The following CAPS2 variants were observed in gnomAD, a reference collection of about 807,000 sequenced individuals.
CAPS2 encodes calcyphosine 2.
A neutral mutation model predicts 86.5 loss-of-function variants in CAPS2; 98 were observed. That is an observed-to-expected ratio of 1.13 (90% CI 0.96 to 1.34). The LOEUF (loss-of-function observed/expected upper bound fraction) is 1.34, where lower values mean the gene tolerates loss of function less well. Among genes scored for constraint, CAPS2 ranks in the 40% most tolerant of loss-of-function variants. CAPS2 has a pLI of 0.00. For synonymous variants in CAPS2, 210 were observed against 225.1 expected (o/e 0.93, Z 0.60); for missense variants, 729 against 686.8 (o/e 1.06, Z -0.69).
At chr12:75,356,465 G>A (rs999288528) in intron 1 of CAPS2, among the ~76,000 whole-genome samples, 4 of 152,102 alleles carry the variant, frequency 2.6e-5, no homozygotes, top group African/African-American at 4.8e-5. Context: ...TGTGAAGTGC[G>A]ATAATCTAAC....
At chr12:75,378,893 G>A (rs2044803644) in intron 1 of CAPS2, among the ~76,000 whole-genome samples, 1 of 152,096 alleles carries the variant, frequency 6.6e-6, no homozygotes, top group South Asian at 2.1e-4. Context: ...AGTAACGTAA[G>A]CTTTCACTAT....
intron 13 of CAPS2, among the ~76,000 whole-genome samples, 200 bp downstream of exon 13, chr12:75,291,544 A>C (rs939226771): frequency 1.7e-5 from 2 of 119,886 alleles, no homozygotes; most frequent in African/African-American, 6.3e-5. Context: ...AAAAGTATAT[A>C]TATATATAGC....
At chr12:75,305,034 C>A in intron 7 of CAPS2, 158 bp from the exon 8 acceptor site, 1 of 519,542 alleles carries the variant, frequency 1.9e-6, no homozygotes, top group Non-Finnish European at 3.0e-6. Flanking sequence ...AAATATTTTC[C>A]ATAAGAAAGT....
upstream of CAPS2, chr12:75,334,987 C>T: frequency 5.4e-6 from 7 of 1,303,268 alleles, no homozygotes; most frequent in South Asian, 7.1e-5. Context: ...TTAACTTGTA[C>T]TAATTCAATC....
At chr12:75,302,297 C>T (rs942327920) in intron 8 of CAPS2, among the ~76,000 whole-genome samples, 9 of 152,078 alleles carry the variant, frequency 5.9e-5, no homozygotes, top group South Asian at 2.1e-4. Context: ...TCTAATACAA[C>T]GCAATACTAA....
upstream of CAPS2, among the ~76,000 whole-genome samples, chr12:75,328,867 G>A (rs151118329): frequency 9.7e-4 from 147 of 152,234 alleles, no homozygotes; most frequent in Middle Eastern, 3.4e-3. Context: ...ACACAAAAGT[G>A]GTTAACTTAG....
intron 1 of CAPS2, chr12:75,347,714 C>T (rs534996290): frequency 1.4e-5 from 23 of 1,586,406 alleles, no homozygotes; most frequent in African/African-American, 6.7e-5. Flanking sequence ...TATGCAACTA[C>T]GGACCTGCGT....
At chr12:75,310,291 T>G (rs955195429) in intron 7 of CAPS2, among the ~76,000 whole-genome samples, 1 of 152,206 alleles carries the variant, frequency 6.6e-6, no homozygotes, top group Non-Finnish European at 1.5e-5. Context: ...TATGGTCAAT[T>G]TATTTATTTA....
intron 1 of CAPS2, among the ~76,000 whole-genome samples, chr12:75,368,705 T>C (rs1397987489): frequency 1.3e-5 from 2 of 152,002 alleles, no homozygotes; most frequent in African/African-American, 4.8e-5. Context: ...AGACTCATTT[T>C]AAAAAGTTGG....
chr12:75,306,213 G>C, intron 7 of CAPS2: 1 of 696,210 alleles, frequency 1.4e-6, no homozygotes, highest in Non-Finnish European at 2.5e-6. Context: ...TGGTGTTCCC[G>C]GGCCAGCCGC....
chr12:75,307,428 T>G (rs2038637686), intron 7 of CAPS2, among the ~76,000 whole-genome samples: 1 of 152,126 alleles, frequency 6.6e-6, no homozygotes, highest in African/African-American at 2.4e-5. Context: ...ATAGTAAGGG[T>G]CTGCACTAAG....
intron 1 of CAPS2, chr12:75,343,737 C>T (rs2042266085): frequency 6.2e-7 from 1 of 1,612,142 alleles, no homozygotes; most frequent in South Asian, 1.1e-5. Context: ...CATGGGCAAA[C>T]CAGTGCAAAT....
intron 1 of CAPS2, among the ~76,000 whole-genome samples, chr12:75,381,614 G>GTTTTTTTTTTTTTTTTTTTTTTT (rs34705874): frequency 1.1e-5 from 1 of 87,914 alleles, no homozygotes; most frequent in Non-Finnish European, 2.1e-5. Context: ...TTTCTTAAGT[G>GTTTTTTTTTTTTTTTTTTTTTTT]TTTTTTTTTT....
intron 5 of CAPS2, chr12:75,318,096 G>T (rs1266018621): frequency 6.6e-6 from 1 of 152,006 alleles, no homozygotes; most frequent in African/African-American, 2.4e-5. Context: ...TAGAGTATTT[G>T]TCTTTCTGTG....
At chr12:75,306,144 C>T in intron 7 of CAPS2, 2 of 1,066,830 alleles carry the variant, frequency 1.9e-6, no homozygotes, top group African/African-American at 1.6e-5. Flanking sequence ...AGCTCATCAC[C>T]GAGGAGTTCG....
At chr12:75,276,274 T>C (rs1269001096), downstream of CAPS2, 5 of 1,533,238 alleles carry the variant, frequency 3.3e-6, no homozygotes, top group Non-Finnish European at 4.4e-6. Flanking sequence ...TTTATCAGGG[T>C]ACATGTTTTA....
At chr12:75,293,266 T>C in exon 12 of CAPS2, 2 of 1,601,026 alleles carry the variant, frequency 1.2e-6, no homozygotes, top group East Asian at 4.5e-5. Context: ...AATCCAAAGC[T>C]ATTTGATCAA....
At chr12:75,310,946 T>C (rs995639962) in intron 7 of CAPS2, among the ~76,000 whole-genome samples, 10 of 152,300 alleles carry the variant, frequency 6.6e-5, no homozygotes, top group East Asian at 1.9e-4. Flanking sequence ...TTTGCTCATA[T>C]ACAACTGGTC....
intron 1 of CAPS2, among the ~76,000 whole-genome samples, chr12:75,375,353 G>A (rs1223363425): frequency 6.6e-6 from 1 of 152,110 alleles, no homozygotes; most frequent in East Asian, 1.9e-4. Context: ...GGATCCCCGG[G>A]AATCAATGTC....
Sources: allele counts gnomAD v4.1 joint callset (sites outside exome capture counted in the v4.1 genomes callset), GRCh38; gene constraint gnomAD v4.1.1; transcripts MANE v1.5; gene names NCBI Gene and HGNC (gene_info 2026-07-23, HGNC 2026-07-21).